The following TRPS1 variants were observed in gnomAD, a reference collection of about 807,000 sequenced individuals.
The protein encoded by TRPS1 is zinc finger transcription factor Trps1.
A neutral mutation model predicts 101.2 loss-of-function variants in TRPS1; 6 were observed. That is an observed-to-expected ratio of 0.06 (90% CI 0.03 to 0.12). The LOEUF (loss-of-function observed/expected upper bound fraction) is 0.12, where lower values mean the gene tolerates loss of function less well. TRPS1 is among the 10% of genes least tolerant of loss of function. The pLI, the probability that TRPS1 is intolerant of heterozygous loss-of-function variation, is 1.00. For synonymous variants in TRPS1, 578 were observed against 589.8 expected (o/e 0.98, Z 0.29); for missense variants, 1,363 against 1,567.0 (o/e 0.87, Z 2.20).
At chr8:115,563,166 G>A (rs1340038497) in intron 5 of TRPS1, among the ~76,000 whole-genome samples, 2 of 151,996 alleles carry the variant, frequency 1.3e-5, no homozygotes, top group Non-Finnish European at 2.9e-5. Context: ...CAACAAACAT[G>A]CATCACTAAA....
chr8:115,449,931 G>C (rs1313996491), intron 5 of TRPS1, among the ~76,000 whole-genome samples: 4 of 149,088 alleles, frequency 2.7e-5, no homozygotes, highest in Admixed American at 6.7e-5. Flanking sequence ...CCTTCTCTTG[G>C]AGATGCCAAA....
chr8:115,574,004 G>A (rs763166284), intron 5 of TRPS1, among the ~76,000 whole-genome samples: 48 of 151,962 alleles, frequency 3.2e-4, no homozygotes, highest in Non-Finnish European at 6.0e-4. Flanking sequence ...AATCATTCTC[G>A]TCTCCCTTCA....
chr8:115,568,509 T>C (rs984315033), intron 5 of TRPS1, among the ~76,000 whole-genome samples: 3 of 152,096 alleles, frequency 2.0e-5, no homozygotes, highest in African/African-American at 7.2e-5. Context: ...ATCAACAAAT[T>C]AGCACTGAAT....
At chr8:115,639,001 C>T (rs555375974) in intron 1 of TRPS1, among the ~76,000 whole-genome samples, 1 of 152,212 alleles carries the variant, frequency 6.6e-6, no homozygotes, top group African/African-American at 2.4e-5. Context: ...AATGAAGATG[C>T]CAGCATCCAT....
At chr8:115,423,783 G>T (rs1429595567) in intron 5 of TRPS1, among the ~76,000 whole-genome samples, 6 of 152,038 alleles carry the variant, frequency 3.9e-5, no homozygotes, top group African/African-American at 1.2e-4. Flanking sequence ...CTGAGCCTTG[G>T]CATACATGTT....
chr8:115,499,967 T>TTTCTTTCTTTC, intron 5 of TRPS1, among the ~76,000 whole-genome samples: 1 of 99,896 alleles, frequency 1.0e-5, no homozygotes, highest in African/African-American at 4.2e-5. Flanking sequence ...TTCTTTCTTT[T>TTTCTTTCTTTC]CTTTTCTTTT....
At chr8:115,416,776 T>C (rs1454888932) in intron 6 of TRPS1, among the ~76,000 whole-genome samples, 1 of 152,076 alleles carries the variant, frequency 6.6e-6, no homozygotes, top group Non-Finnish European at 1.5e-5. Context: ...AATTCATTGT[T>C]AGTTTAAGAA....
intron 5 of TRPS1, among the ~76,000 whole-genome samples, chr8:115,540,057 T>C (rs1275315422): frequency 6.6e-6 from 1 of 152,212 alleles, no homozygotes; most frequent in East Asian, 1.9e-4. Context: ...TTGACCGCAA[T>C]GTCTCTTCTA....
intron 5 of TRPS1, among the ~76,000 whole-genome samples, chr8:115,474,072 G>C (rs1454007623): frequency 1.3e-5 from 2 of 152,240 alleles, no homozygotes; most frequent in African/African-American, 4.8e-5. Flanking sequence ...AGGTTTAGAT[G>C]AAATACTCTG....
intron 5 of TRPS1, among the ~76,000 whole-genome samples, chr8:115,577,709 T>A (rs1183152258): frequency 1.3e-5 from 2 of 152,132 alleles, no homozygotes; most frequent in East Asian, 1.9e-4. Flanking sequence ...CTGACAACTT[T>A]ATCAAAGAAA....
intron 5 of TRPS1, among the ~76,000 whole-genome samples, chr8:115,521,639 C>G (rs1352116390): frequency 4.6e-5 from 7 of 151,772 alleles, no homozygotes; most frequent in Non-Finnish European, 7.4e-5. Flanking sequence ...TAATCACATT[C>G]ATCTAACGTT....
intron 4 of TRPS1, among the ~76,000 whole-genome samples, chr8:115,589,621 C>A (rs1245840878): frequency 6.6e-6 from 1 of 151,904 alleles, no homozygotes; most frequent in African/African-American, 2.4e-5. Context: ...CATAAAAGCA[C>A]AATAGTAAAA....
chr8:115,416,436 T>G (rs1812920455), intron 6 of TRPS1, among the ~76,000 whole-genome samples: 1 of 150,894 alleles, frequency 6.6e-6, no homozygotes, highest in Non-Finnish European at 1.5e-5. Context: ...GAAAATAATT[T>G]CCACATAAAA....
intron 1 of TRPS1, among the ~76,000 whole-genome samples, chr8:115,648,764 A>G (rs1586493814): frequency 6.6e-6 from 1 of 152,320 alleles, no homozygotes; most frequent in Admixed American, 6.5e-5. Flanking sequence ...TAAAATATAA[A>G]TTACTTAAAA....
chr8:115,668,000 A>G (rs1811969174), intron 1 of TRPS1: 3 of 1,159,294 alleles, frequency 2.6e-6, no homozygotes, highest in Non-Finnish European at 3.7e-6. Flanking sequence ...GCCCGGTAGG[A>G]GAGAATTAAA....
chr8:115,432,448 T>C (rs1354418925), intron 5 of TRPS1, among the ~76,000 whole-genome samples: 1 of 151,702 alleles, frequency 6.6e-6, no homozygotes, highest in Non-Finnish European at 1.5e-5. Context: ...TATACACACA[T>C]ACACCAAATG....
At chr8:115,650,384 A>T (rs1811532099) in intron 1 of TRPS1, among the ~76,000 whole-genome samples, 1 of 152,222 alleles carries the variant, frequency 6.6e-6, no homozygotes, top group South Asian at 2.1e-4. Context: ...CAAGTCCTAC[A>T]AGTAATGAAC....
chr8:115,471,885 G>C (rs1039470286), intron 5 of TRPS1, among the ~76,000 whole-genome samples: 1 of 152,236 alleles, frequency 6.6e-6, no homozygotes, highest in Non-Finnish European at 1.5e-5. Flanking sequence ...AGTAGGTCAT[G>C]CTGATGCAAG....
In TRPS1 at chr8:115,604,837, A is replaced by G. The variant is rs925747795; in HGVS notation, c.1132T>C (p.Ser378Pro). 17 of 1,613,994 alleles carry G rather than the reference A, an allele frequency of 1.1e-5. No individual in the cohort carries two copies. Among genetic ancestry groups the G allele is most frequent in the Non-Finnish European group, 1.4e-5 (17 of 1,179,972 alleles). ...TTTGCAACCTCAGAGGAGGGGAGAG[A>G]AGCTTTTATTTTGTTTGGGTGAGTC... is the stretch of plus-strand genomic sequence containing the variant. ...LQTHPNKIKA[S>P]LPSSEVAKPS... The change falls in exon 4 of 7, where the codon TCT becomes CCT. Residue 378 changes from serine (S) to proline (P), a missense_variant. Transcript: ENST00000395715. This position sits in a 1 kb window ranked among gnomAD's most constrained non-coding sequence, Gnocchi z 4.1.
Sources: allele counts gnomAD v4.1 joint callset (sites outside exome capture counted in the v4.1 genomes callset), GRCh38; gene constraint gnomAD v4.1.1; non-coding constraint Gnocchi (gnomAD v3.1); transcripts MANE v1.5; gene names NCBI Gene and HGNC (gene_info 2026-07-23, HGNC 2026-07-21).